NKAIN3: variants seen among roughly 807,000 people sequenced by gnomAD.
The protein encoded by NKAIN3 is sodium/potassium transporting ATPase interacting 3, also known as sodium/potassium-transporting ATPase subunit beta-1-interacting protein 3.
NKAIN3 carries 25 observed loss-of-function variants against 30.2 expected under a neutral mutation model. The ratio of observed to expected loss-of-function variants is 0.83; its 90% CI spans 0.60 to 1.16. The LOEUF (loss-of-function observed/expected upper bound fraction) is 1.16, where lower values mean the gene tolerates loss of function less well. NKAIN3 is among the 50% of genes most tolerant of loss of function. The probability of loss-of-function intolerance (pLI) is 0.00; values close to 1 mark genes in which losing one functional copy is unlikely to be tolerated. For missense variants in NKAIN3, 225 were observed against 254.1 expected, an observed-to-expected ratio of 0.89 and a Z score of 0.78; for synonymous variants, 91 against 89.6, an observed-to-expected ratio of 1.02 and a Z score of -0.09.
At chr8:62,350,397 T>C (rs968308100) in intron 1 of NKAIN3, among the ~76,000 whole-genome samples, 1 of 152,154 alleles carries the variant, frequency 6.6e-6, no homozygotes, top group Non-Finnish European at 1.5e-5. Flanking sequence ...ATTCGAGTTA[T>C]ATGAGGTACC....
At chr8:62,642,790 A>C (rs1004161070) in intron 3 of NKAIN3, among the ~76,000 whole-genome samples, 1 of 152,146 alleles carries the variant, frequency 6.6e-6, no homozygotes, top group Non-Finnish European at 1.5e-5. Flanking sequence ...TTATGTAGGC[A>C]GATTCCTCCC....
intron 1 of NKAIN3, among the ~76,000 whole-genome samples, chr8:62,506,531 G>A (rs752518569): frequency 5.0e-5 from 7 of 140,280 alleles, no homozygotes; most frequent in Admixed American, 7.7e-5. Flanking sequence ...CTGGAGTGCA[G>A]TGGTGTGATC....
intron 4 of NKAIN3, among the ~76,000 whole-genome samples, chr8:62,813,857 C>T (rs1334312536): frequency 6.6e-6 from 1 of 151,944 alleles, no homozygotes; most frequent in African/African-American, 2.4e-5. Context: ...GATGAGTTCC[C>T]TCAGTCTTTA....
chr8:62,599,977 A>G (rs1031806849), intron 3 of NKAIN3, among the ~76,000 whole-genome samples: 1 of 152,080 alleles, frequency 6.6e-6, no homozygotes, highest in African/African-American at 2.4e-5. Context: ...ATTTGGAATT[A>G]AATATGAAAA....
At chr8:62,343,316 C>G (rs1322423446) in intron 1 of NKAIN3, among the ~76,000 whole-genome samples, 2 of 151,944 alleles carry the variant, frequency 1.3e-5, no homozygotes, top group African/African-American at 4.8e-5. Context: ...TTTGTAATGG[C>G]CTAGAATTCT....
At chr8:62,790,312 C>G in intron 4 of NKAIN3, among the ~76,000 whole-genome samples, 1 of 152,176 alleles carries the variant, frequency 6.6e-6, no homozygotes, top group South Asian at 2.1e-4. Flanking sequence ...GGATGTATCT[C>G]AAAATAATAA....
At chr8:62,811,329 A>G (rs2086369) in intron 4 of NKAIN3, among the ~76,000 whole-genome samples, 85,031 of 151,888 alleles carry the variant, frequency 0.56, 25,157 homozygotes, top group Non-Finnish European at 0.67. Context: ...TGTTATGAAC[A>G]TTTATGTAAA....
At chr8:62,766,531 C>T (rs1381139419) in intron 4 of NKAIN3, among the ~76,000 whole-genome samples, 1 of 152,046 alleles carries the variant, frequency 6.6e-6, no homozygotes, top group African/African-American at 2.4e-5. Context: ...GAGAGGGTTC[C>T]TAGTTGCTAT....
chr8:62,326,197 G>C (rs1354184373), intron 1 of NKAIN3, among the ~76,000 whole-genome samples: 1 of 151,610 alleles, frequency 6.6e-6, no homozygotes, highest in Non-Finnish European at 1.5e-5. Context: ...TTTTTTCTAA[G>C]TCAGTGAAAG....
intron 2 of NKAIN3, among the ~76,000 whole-genome samples, chr8:62,583,224 G>A (rs1221316096): frequency 2.0e-5 from 3 of 152,214 alleles, no homozygotes; most frequent in East Asian, 3.9e-4. Flanking sequence ...CACCCATGAT[G>A]AAACTGCTGT....
chr8:62,719,289 C>T (rs1269784884), intron 3 of NKAIN3, among the ~76,000 whole-genome samples: 2 of 152,164 alleles, frequency 1.3e-5, no homozygotes, highest in African/African-American at 4.8e-5. Flanking sequence ...CTGCCACTCT[C>T]ATCTCATAAG....
At chr8:62,698,906 G>A (rs1488328247) in intron 3 of NKAIN3, among the ~76,000 whole-genome samples, 1 of 152,118 alleles carries the variant, frequency 6.6e-6, no homozygotes, top group Non-Finnish European at 1.5e-5. Flanking sequence ...TTGAGGTAGC[G>A]ATTGAGCTAC....
At chr8:62,325,160 G>T (rs1176014713) in intron 1 of NKAIN3, among the ~76,000 whole-genome samples, 1 of 151,978 alleles carries the variant, frequency 6.6e-6, no homozygotes, top group African/African-American at 2.4e-5. Context: ...AGTCCCCAAA[G>T]TCCATTATAT....
At chr8:62,515,704 T>C (rs1807965040) in intron 1 of NKAIN3, among the ~76,000 whole-genome samples, 1 of 152,134 alleles carries the variant, frequency 6.6e-6, no homozygotes, top group African/African-American at 2.4e-5. Flanking sequence ...AAGAATCCAC[T>C]AGGGTTTCTG....
At chr8:62,338,725 A>C (rs540755998) in intron 1 of NKAIN3, among the ~76,000 whole-genome samples, 1 of 152,106 alleles carries the variant, frequency 6.6e-6, no homozygotes, top group South Asian at 2.1e-4. Flanking sequence ...CTTGGAGTCC[A>C]ATATTCCAGG....
chr8:62,509,025 T>G (rs1483224990), intron 1 of NKAIN3, among the ~76,000 whole-genome samples: 4 of 152,150 alleles, frequency 2.6e-5, no homozygotes, highest in Admixed American at 2.6e-4. Context: ...AGTGAGAAGG[T>G]CACTTTCTCT....
chr8:62,522,133 A>G (rs1356636855), intron 1 of NKAIN3, among the ~76,000 whole-genome samples: 2 of 152,126 alleles, frequency 1.3e-5, no homozygotes, highest in African/African-American at 4.8e-5. Context: ...CATATAAAAC[A>G]TGTATTAAAT....
intron 1 of NKAIN3, among the ~76,000 whole-genome samples, chr8:62,537,184 C>T (rs1211152463): frequency 6.6e-6 from 1 of 152,014 alleles, no homozygotes; most frequent in African/African-American, 2.4e-5. Context: ...GAAGAATTCG[C>T]TATGTAATTG....
At chr8:62,316,491 A>G (rs1219567081) in intron 1 of NKAIN3, among the ~76,000 whole-genome samples, 1 of 147,728 alleles carries the variant, frequency 6.8e-6, no homozygotes, top group Admixed American at 6.8e-5. Context: ...ATGTGTTCTC[A>G]TTGTTCAATT....
Sources: allele counts gnomAD v4.1 joint callset (sites outside exome capture counted in the v4.1 genomes callset), GRCh38; gene constraint gnomAD v4.1.1; transcripts MANE v1.5; gene names NCBI Gene and HGNC (gene_info 2026-07-23, HGNC 2026-07-21).